The following PISD variants were observed in gnomAD, a reference collection of about 807,000 sequenced individuals.
PISD encodes phosphatidylserine decarboxylase, also known as phosphatidylserine decarboxylase proenzyme, mitochondrial.
In PISD, 31 loss-of-function variants were observed where a neutral mutation model predicts 43.5. The observed-to-expected ratio is 0.71, with a 90% CI of 0.54 to 0.96. The LOEUF (loss-of-function observed/expected upper bound fraction) is 0.96. Ranked by LOEUF, PISD falls within the 40% of genes least tolerant of loss-of-function variation. The pLI is 0.00. For missense variants in PISD, 523 were observed against 548.4 expected, an observed-to-expected ratio of 0.95 and a Z score of 0.46; for synonymous variants, 259 against 228.7, an observed-to-expected ratio of 1.13 and a Z score of -1.20.
chr22:31,633,216 G>A (rs1170053176), intron 3 of PISD, among the ~76,000 whole-genome samples: 1 of 152,220 alleles, frequency 6.6e-6, no homozygotes, highest in East Asian at 1.9e-4. Flanking sequence ...GGTCCCTGGG[G>A]ACGGAACAAA....
chr22:31,631,041 G>A (rs1043823439), intron 3 of PISD, among the ~76,000 whole-genome samples: 3 of 152,384 alleles, frequency 2.0e-5, no homozygotes, highest in Non-Finnish European at 2.9e-5. Flanking sequence ...GGGAGAAGGG[G>A]AAGGGCAGCA....
intron 3 of PISD, among the ~76,000 whole-genome samples, chr22:31,631,365 C>T (rs1243214009): frequency 2.0e-5 from 3 of 152,206 alleles, no homozygotes; most frequent in Non-Finnish European, 2.9e-5. Flanking sequence ...TGATCCTTCC[C>T]GCATCCCATC....
chr22:31,647,721 T>C (rs1193772728), intron 3 of PISD, among the ~76,000 whole-genome samples: 1 of 151,796 alleles, frequency 6.6e-6, no homozygotes, highest in Non-Finnish European at 1.5e-5. Flanking sequence ...AGGAATTTGA[T>C]TATTTCTGTC....
intron 3 of PISD, among the ~76,000 whole-genome samples, chr22:31,631,194 C>A (rs2073192255): frequency 6.6e-6 from 1 of 152,158 alleles, no homozygotes; most frequent in Non-Finnish European, 1.5e-5. Context: ...CCGTGGCTGG[C>A]CTCCCAAAGC....
intron 3 of PISD, among the ~76,000 whole-genome samples, chr22:31,622,371 C>T (rs1190504599): frequency 6.6e-6 from 1 of 152,240 alleles, no homozygotes; most frequent in African/African-American, 2.4e-5. Context: ...AAGTGTGTCC[C>T]TCTGTCTTAA....
intron 1 of PISD, among the ~76,000 whole-genome samples, chr22:31,658,941 C>T (rs1019166683): frequency 9.3e-5 from 14 of 151,248 alleles, no homozygotes; most frequent in Non-Finnish European, 1.8e-4. Flanking sequence ...GCAGCCTCAA[C>T]CTCCTGGGCT....
At chr22:31,652,302 C>T (rs890683575) in intron 1 of PISD, among the ~76,000 whole-genome samples, 1 of 151,742 alleles carries the variant, frequency 6.6e-6, no homozygotes, top group Non-Finnish European at 1.5e-5. Context: ...TGACTAATTT[C>T]GTATTTTTAG....
At chr22:31,638,715 G>A (rs900456658) in intron 3 of PISD, 1 of 677,162 alleles carries the variant, frequency 1.5e-6, no homozygotes, top group Admixed American at 6.3e-5. Flanking sequence ...TCAAACTCCT[G>A]GGCTCAAGAG....
At chr22:31,638,393 G>A in intron 3 of PISD, 1 of 985,576 alleles carries the variant, frequency 1.0e-6, no homozygotes, top group Non-Finnish European at 1.2e-6. Flanking sequence ...GCAAGCAAAA[G>A]TGTCCACCAA....
At chr22:31,634,842 AAAAAAAAAAAAAATAG>A (rs1324363536) in intron 3 of PISD, among the ~76,000 whole-genome samples, 1 of 150,520 alleles carries the variant, frequency 6.6e-6, no homozygotes, top group Non-Finnish European at 1.5e-5. Context: ...CTCAAAAAAA[AAAAAAAAAAAAAATAG>A]AAAAAGAAAA....
At chr22:31,639,993 T>A (rs1239603079) in intron 3 of PISD, among the ~76,000 whole-genome samples, 1 of 152,130 alleles carries the variant, frequency 6.6e-6, no homozygotes, top group Non-Finnish European at 1.5e-5. Flanking sequence ...AGAGTGCCCT[T>A]GGTACCCTGC....
chr22:31,625,749 G>A (rs1184716194), intron 3 of PISD: 2 of 1,577,578 alleles, frequency 1.3e-6, no homozygotes, highest in Non-Finnish European at 8.6e-7. Flanking sequence ...AGGGCGCGGT[G>A]GGCAGCATCT....
intron 3 of PISD, among the ~76,000 whole-genome samples, chr22:31,641,801 C>CA (rs1481825071): frequency 6.6e-6 from 1 of 150,940 alleles, no homozygotes; most frequent in Non-Finnish European, 1.5e-5. Context: ...GCCTGGGCGA[C>CA]AGAGTGAGAC....
At chr22:31,649,509 G>A (rs1476989061) in intron 2 of PISD, among the ~76,000 whole-genome samples, 2 of 151,970 alleles carry the variant, frequency 1.3e-5, no homozygotes, top group African/African-American at 2.4e-5. Flanking sequence ...CGAGGCAGGC[G>A]GATCACGAGG....
chr22:31,622,053 G>C (rs900044239), intron 3 of PISD, among the ~76,000 whole-genome samples, 168 bp from the exon 4 acceptor site: 1 of 152,214 alleles, frequency 6.6e-6, no homozygotes, highest in Non-Finnish European at 1.5e-5. Flanking sequence ...GTTTCTCACT[G>C]GGAACCAGAC....
At chr22:31,627,547 G>C in intron 3 of PISD, among the ~76,000 whole-genome samples, 1 of 152,264 alleles carries the variant, frequency 6.6e-6, no homozygotes, top group South Asian at 2.1e-4. Context: ...GGTGAGCCTG[G>C]TGCCTGGTTC....
intron 1 of PISD, among the ~76,000 whole-genome samples, chr22:31,653,302 CAG>C (rs1202853190): frequency 3.3e-5 from 5 of 152,150 alleles, no homozygotes; most frequent in Non-Finnish European, 7.4e-5. Context: ...GCTTTCTAAA[CAG>C]AATTTTAACG....
chr22:31,659,834 G>A (rs2074272125), intron 1 of PISD, among the ~76,000 whole-genome samples: 2 of 151,610 alleles, frequency 1.3e-5, no homozygotes, highest in South Asian at 4.2e-4. Flanking sequence ...CACCCACCTT[G>A]GCCTCCCAAA....
intron 3 of PISD, among the ~76,000 whole-genome samples, chr22:31,637,802 C>CA (rs2073557575): frequency 1.3e-5 from 2 of 152,368 alleles, no homozygotes; most frequent in South Asian, 4.1e-4. Flanking sequence ...CCTCACCCGG[C>CA]ACTGGCTATC....
Sources: allele counts gnomAD v4.1 joint callset (sites outside exome capture counted in the v4.1 genomes callset), GRCh38; gene constraint gnomAD v4.1.1; transcripts MANE v1.5; gene names NCBI Gene and HGNC (gene_info 2026-07-23, HGNC 2026-07-21).